Variants in TEAD1 observed in about 807,000 individuals in gnomAD.
TEAD1 encodes the protein transcriptional enhancer factor TEF-1.
TEAD1 carries 9 observed loss-of-function variants against 54.9 expected under a neutral mutation model. The observed-to-expected ratio is 0.16, with a 90% CI of 0.10 to 0.29. The LOEUF (loss-of-function observed/expected upper bound fraction) is 0.29. Ranked by LOEUF, TEAD1 falls within the 10% of genes least tolerant of loss-of-function variation. The pLI, the probability that TEAD1 is intolerant of heterozygous loss-of-function variation, is 1.00. For synonymous variants in TEAD1, 200 were observed against 187.8 expected (o/e 1.07, Z -0.53); for missense variants, 387 against 535.9 (o/e 0.72, Z 2.74).
chr11:12,753,284 G>T (rs1944915356), intron 2 of TEAD1, among the ~76,000 whole-genome samples: 1 of 152,100 alleles, frequency 6.6e-6, no homozygotes, highest in Admixed American at 6.5e-5. Context: ...CTCTACCTGG[G>T]ATTTGGAATT....
chr11:12,848,141 G>A (rs1947195003), intron 3 of TEAD1, among the ~76,000 whole-genome samples: 1 of 152,130 alleles, frequency 6.6e-6, no homozygotes, highest in South Asian at 2.1e-4. Context: ...GATTACCATT[G>A]TTTGGCTTCT....
chr11:12,880,041 G>T (rs1947935093), intron 6 of TEAD1, among the ~76,000 whole-genome samples, 199 bp downstream of exon 6: 1 of 152,102 alleles, frequency 6.6e-6, no homozygotes, highest in Admixed American at 6.5e-5. Context: ...GAGAAAGGGA[G>T]GGGGAGGAGA....
At chr11:12,753,727 G>A (rs1037542975) in intron 2 of TEAD1, among the ~76,000 whole-genome samples, 1 of 152,104 alleles carries the variant, frequency 6.6e-6, no homozygotes, top group Non-Finnish European at 1.5e-5. Flanking sequence ...TCAAGAAAGC[G>A]AGTTCTGAGT....
At chr11:12,785,838 A>G (rs1277756403) in intron 3 of TEAD1, among the ~76,000 whole-genome samples, 2 of 152,230 alleles carry the variant, frequency 1.3e-5, no homozygotes, top group Non-Finnish European at 2.9e-5. Context: ...ACCTAGATCC[A>G]GGAACTTTGA....
intron 2 of TEAD1, among the ~76,000 whole-genome samples, chr11:12,701,707 A>G (rs1943705824): frequency 6.6e-6 from 1 of 152,152 alleles, no homozygotes; most frequent in African/African-American, 2.4e-5. Flanking sequence ...GGACCATTCC[A>G]GTCTAAAATG....
chr11:12,784,051 T>A lies in TEAD1; in HGVS notation c.202+19617T>A, dbSNP rs184801484. Among the ~76,000 whole-genome samples, 127 of 152,126 alleles carry A rather than the reference T, an allele frequency of 8.3e-4. 1 individual carries two copies. Among genetic ancestry groups the A allele is most frequent in the African/African-American group, 2.9e-3 (122 of 41,480 alleles). ...ACACTACAACACTTCTGGTAGGAGATGAGGAGGGCTTGAACTAGGTCAGAG... is the reference window on the plus strand; with the variant it reads ...ACACTACAACACTTCTGGTAGGAGAAGAGGAGGGCTTGAACTAGGTCAGAG... On this transcript the variant is annotated intron_variant, in intron 3 of 12. Transcript: ENST00000527636.
At chr11:12,850,640 T>A (rs1479631573) in intron 3 of TEAD1, among the ~76,000 whole-genome samples, 1 of 152,176 alleles carries the variant, frequency 6.6e-6, no homozygotes, top group Non-Finnish European at 1.5e-5. Context: ...ATCTAGGCAG[T>A]CATACCTTTG....
intron 3 of TEAD1, among the ~76,000 whole-genome samples, chr11:12,809,746 A>G (rs933984640): frequency 6.6e-6 from 1 of 152,120 alleles, no homozygotes; most frequent in Non-Finnish European, 1.5e-5. Flanking sequence ...GCCACTGTTA[A>G]GGTCTGTGGA....
chr11:12,775,698 C>A (rs1017468166), intron 3 of TEAD1, among the ~76,000 whole-genome samples: 19 of 152,176 alleles, frequency 1.2e-4, no homozygotes, highest in Middle Eastern at 3.4e-3. Context: ...AGAAAAAAAT[C>A]TGGAGGAATT....
Position 12,785,743 on chromosome 11 carries a change from G to A in TEAD1, c.202+21309G>A, listed in dbSNP as rs947579027. 1.3e-5 allele frequency among the ~76,000 whole-genome samples: 2 copies of A among 152,156 alleles called. 1 individual carries two copies. Among genetic ancestry groups the A allele is most frequent in the Non-Finnish European group, 2.9e-5 (2 of 68,026 alleles). ...GTATCTAGAGGTTAGAAACCTCAGG[G>A]ATCTCCCATGTTGGAGGGTCCAGGA... On this transcript the variant is annotated intron_variant, in intron 3 of 12. Coordinates refer to ENST00000527636, the MANE Select transcript of TEAD1 (RefSeq NM_021961.6).
chr11:12,924,766 A>G lies in TEAD1; in HGVS notation c.874-146A>G, dbSNP rs150815816. 1,410 of 952,130 alleles carry G rather than the reference A, an allele frequency of 1.5e-3. 23 individuals carry two copies. In the Admixed American group the frequency reaches 0.024, roughly 16 times the overall value. 59.0% of individuals were successfully genotyped at this position (952,130 alleles called of 1,614,324 possible). On this transcript the variant is annotated intron_variant, in intron 10 of 12. Transcript: ENST00000527636. ...ACTCTTTAAAAAACGACAGATGGGT[A>G]TTGAACTTGTTTCTAGATGAGCATC...
chr11:12,743,827 G>C, intron 2 of TEAD1, among the ~76,000 whole-genome samples: 1 of 152,196 alleles, frequency 6.6e-6, no homozygotes, highest in African/African-American at 2.4e-5. Flanking sequence ...AAACTACACT[G>C]CAGGCCCCTT....
chr11:12,749,710 A>G lies in TEAD1; in HGVS notation c.-54-14469A>G, dbSNP rs147617072. Among the ~76,000 whole-genome samples the G allele has an allele frequency of 7.1e-3, 1,074 of 152,296 alleles. 50 individuals carry two copies. Among genetic ancestry groups the G allele is most frequent in the Admixed American group, 0.065 (1,002 of 15,304 alleles). ...TCTTGCCCCCACTGAATGCCCTTAC[A>G]GTGCTTGTGGACGGCTTAGAGTGGT... On this transcript the variant is annotated intron_variant, in intron 2 of 12. Transcript: ENST00000527636.
rs569962080 is a variant in TEAD1, at chr11:12,943,818, T to C, written c.*6596T>C. On this transcript the variant is annotated 3_prime_UTR_variant, in exon 13 of 13. Transcript: ENST00000527636. ...AAATTAGATATCAACTGCACTTCTT[T>C]AAAAAAAAATACATCTCCCTATTAC... The C allele has an allele frequency of 6.6e-6, 1 of 151,054 alleles. No individual in the cohort carries two copies. Among genetic ancestry groups the C allele is most frequent in the African/African-American group, 2.4e-5 (1 of 41,210 alleles). The allele number at this position is 151,054 out of a possible 1,614,324, so 9.4% of individuals were successfully genotyped here. A position where few individuals can be genotyped will look rare whatever the true frequency, so the allele number is the denominator to read the frequency against.
chr11:12,695,075 G>T (rs1335267109), intron 2 of TEAD1, among the ~76,000 whole-genome samples: 1 of 152,228 alleles, frequency 6.6e-6, no homozygotes, highest in African/African-American at 2.4e-5. Context: ...TTTTAATCAA[G>T]TGTGGCTAAT....
intron 3 of TEAD1, among the ~76,000 whole-genome samples, chr11:12,848,619 G>C (rs1947205641): frequency 6.6e-6 from 1 of 152,078 alleles, no homozygotes; most frequent in Non-Finnish European, 1.5e-5. Context: ...GGTAGAATTA[G>C]GTGAATGTGA....
intron 2 of TEAD1, among the ~76,000 whole-genome samples, chr11:12,753,329 G>A (rs1944916342): frequency 2.0e-5 from 3 of 152,144 alleles, no homozygotes; most frequent in African/African-American, 7.2e-5. Flanking sequence ...ATCAGTTTTG[G>A]TATGTAGATA....
intron 2 of TEAD1, among the ~76,000 whole-genome samples, chr11:12,686,170 A>G (rs2133817695): frequency 6.6e-6 from 1 of 152,340 alleles, no homozygotes; most frequent in South Asian, 2.1e-4. Context: ...AAAATGTCCC[A>G]GTTTGGATGA....
chr11:12,693,613 C>G (rs142437775), intron 2 of TEAD1, among the ~76,000 whole-genome samples: 4 of 152,336 alleles, frequency 2.6e-5, no homozygotes, highest in African/African-American at 9.6e-5. Context: ...ATGACGGCTT[C>G]CCATGTGATG....
Sources: allele counts gnomAD v4.1 joint callset (sites outside exome capture counted in the v4.1 genomes callset), GRCh38; gene constraint gnomAD v4.1.1; transcripts MANE v1.5; gene names NCBI Gene and HGNC (gene_info 2026-07-23, HGNC 2026-07-21).